The following ZNF713 variants were observed in gnomAD, a reference collection of about 807,000 sequenced individuals.
ZNF713 encodes the protein zinc finger protein 713.
Under a neutral mutation model 28.7 loss-of-function variants are expected in ZNF713, and 21 were observed. That is an observed-to-expected ratio of 0.73 (90% confidence interval 0.52 to 1.05). The LOEUF (loss-of-function observed/expected upper bound fraction) is 1.05. ZNF713 is among the 50% of genes least tolerant of loss of function. The pLI, the probability that ZNF713 is intolerant of heterozygous loss-of-function variation, is 0.00. For synonymous variants in ZNF713, 167 were observed against 178.0 expected (o/e 0.94, Z 0.49); for missense variants, 458 against 532.4 (o/e 0.86, Z 1.37).
At chr7:55,899,302 G>A (rs1417996897) in intron 1 of ZNF713, among the ~76,000 whole-genome samples, 2 of 143,720 alleles carry the variant, frequency 1.4e-5, no homozygotes, top group Non-Finnish European at 3.0e-5. Context: ...GCAGTGAGCC[G>A]AGATCGTGCC....
At position 55,895,492 on chromosome 7, in the gene ZNF713, G is replaced by C. The variant is rs188005861; in HGVS notation, c.-583+7812G>C. Among the ~76,000 whole-genome samples the C allele has an allele frequency of 2.0e-3, 162 of 81,112 alleles. 1 individual carries two copies. The highest frequency in any genetic ancestry group is 5.6e-3 in the East Asian group (15 of 2,692). 53.2% of individuals were successfully genotyped at this position (81,112 alleles called of 152,430 possible). A position where few individuals can be genotyped will look rare whatever the true frequency, so the allele number is the denominator to read the frequency against. ...TTTTTTTTTTTTTTTTTTTGAGACA[G>C]AGTTTCACTCTTATTGCCCAGGCTG... On this transcript the variant is annotated intron_variant, in intron 1 of 6. Coordinates refer to ENST00000429591, the MANE Select transcript of ZNF713 (RefSeq NM_182633.3).
chr7:55,887,880 C>CG (rs1554334686), intron 1 of ZNF713, among the ~76,000 whole-genome samples, 200 bp downstream of exon 1: 410 of 13,998 alleles, frequency 0.029, 129 homozygotes, highest in African/African-American at 0.18. Flanking sequence ...GCGGCGGCGG[C>CG]GGCGGCGGGC....
chr7:55,939,697 C>T lies in ZNF713; in HGVS notation c.1023C>T (p.Pro341=), dbSNP rs1265022365. The T allele has an allele frequency of 4.3e-6, 7 of 1,614,130 alleles. No individual in the cohort carries two copies. The highest frequency in any genetic ancestry group is 5.9e-6 in the Non-Finnish European group (7 of 1,180,026). The change falls in exon 7 of 7, where the codon CCC becomes CCT. Residue 341 remains proline (P), a synonymous_variant. Coordinates refer to ENST00000429591, the MANE Select transcript of ZNF713 (RefSeq NM_182633.3). ...QHLRIHTGEK[P]YKCNQCGKAF... is the part of the protein sequence containing the mutation. ...TGAGGATTCATACTGGAGAAAAGCC[C>T]TATAAATGTAATCAATGTGGTAAAG...
intron 2 of ZNF713, among the ~76,000 whole-genome samples, chr7:55,906,951 A>G (rs926508666): frequency 6.6e-6 from 1 of 152,206 alleles, no homozygotes; most frequent in African/African-American, 2.4e-5. Flanking sequence ...GAAATCTGAT[A>G]AGAAATTTGG....
intron 1 of ZNF713, among the ~76,000 whole-genome samples, chr7:55,902,617 T>TC: frequency 6.6e-6 from 1 of 152,168 alleles, no homozygotes; most frequent in Non-Finnish European, 1.5e-5. Context: ...CCTATATCTC[T>TC]CCATTTTTGC....
intron 4 of ZNF713, among the ~76,000 whole-genome samples, chr7:55,917,738 G>A (rs1785912481): frequency 6.6e-6 from 1 of 151,662 alleles, no homozygotes; most frequent in African/African-American, 2.4e-5. Flanking sequence ...TTTAAAGACA[G>A]TTCACAGCAA....
chr7:55,905,930 C>CGGGG (rs1785670714), intron 1 of ZNF713, among the ~76,000 whole-genome samples: 1 of 151,780 alleles, frequency 6.6e-6, no homozygotes, highest in Non-Finnish European at 1.5e-5. Context: ...GATGAAACCC[C>CGGGG]GTCTCTACTA....
At chr7:55,891,282 G>T (rs1785375949) in intron 1 of ZNF713, among the ~76,000 whole-genome samples, 2 of 152,072 alleles carry the variant, frequency 1.3e-5, no homozygotes, top group Admixed American at 1.3e-4. Flanking sequence ...TAGAAGAATT[G>T]TGTCTCCATT....
chr7:55,919,883 A>G (rs1288118841), intron 4 of ZNF713, among the ~76,000 whole-genome samples: 2 of 151,560 alleles, frequency 1.3e-5, no homozygotes, highest in Non-Finnish European at 2.9e-5. Context: ...TTTTTATTAT[A>G]CTTCAAGTTC....
Position 55,939,785 on chromosome 7 carries a change from G to C in ZNF713, c.1111G>C (p.Glu371Gln). The change falls in exon 7 of 7, where the codon GAA becomes CAA. Residue 371 changes from glutamate (E) to glutamine (Q), a missense_variant. Physicochemically the swap from Glu to Gln is conservative, Grantham distance 29 (BLOSUM62 2). Transcript: ENST00000429591. The stretch of plus-strand genomic sequence containing the variant: ...ACTTCATACCGGAGAGAAACCTTAC[G>C]AATGTGGTTTCTGTGGCAAAGCCTT... ...HRLHTGEKPY[E>Q]CGFCGKAFSQ... 1 of 1,614,120 alleles carries C rather than the reference G, an allele frequency of 6.2e-7. No homozygotes were observed. The highest frequency in any genetic ancestry group is 8.5e-7 in the Non-Finnish European group (1 of 1,180,014).
intron 1 of ZNF713, among the ~76,000 whole-genome samples, chr7:55,902,059 C>T (rs1785588488): frequency 1.3e-5 from 2 of 152,102 alleles, no homozygotes; most frequent in South Asian, 2.1e-4. Context: ...GGCTTGGTGA[C>T]GTGTGCCTAT....
In ZNF713 at chr7:55,934,779, A is replaced by G. The variant is rs185476256; in HGVS notation, c.308-4203A>G. ...CTTGGCCTCCCAAAATGCTAAGATT[A>G]CAAGTGTGAGCCACTGTGCCCAGCC... On this transcript the variant is annotated intron_variant, in intron 6 of 6. Transcript: ENST00000429591. Among the ~76,000 whole-genome samples, 187 of 152,274 alleles carry G rather than the reference A, an allele frequency of 1.2e-3. 1 individual carries two copies. Among genetic ancestry groups the G allele is most frequent in the Non-Finnish European group, 4.9e-4 (33 of 68,026 alleles).
At chr7:55,887,872 GGCGGCGGCGGCGGCGGGCGGC>G (rs1785301776) in intron 1 of ZNF713, among the ~76,000 whole-genome samples, 192 bp downstream of exon 1, 1 of 4,852 alleles carries the variant, frequency 2.1e-4, no homozygotes, top group Non-Finnish European at 4.8e-4. Flanking sequence ...GGGCGGCGGC[GGCGGCGGCGGCGGCGGGCGGC>G]GGCGGCGGCG....
rs190930997 is a variant in ZNF713 at position 55,915,299 on chromosome 7, A to C, written c.87+2576A>C. 3.3e-5 allele frequency among the ~76,000 whole-genome samples: 5 copies of C among 152,328 alleles called. No homozygotes were observed. The East Asian group carries it at 9.6e-4, about 29-fold the overall frequency. On this transcript the variant is annotated intron_variant, in intron 4 of 6. Transcript: ENST00000429591. ...AGGAAGATGATTCATTCACTCAATAAATATTTTTTGAGTAGCTAGTATGTG... is the reference window on the plus strand; with the variant it reads ...AGGAAGATGATTCATTCACTCAATACATATTTTTTGAGTAGCTAGTATGTG...
intron 1 of ZNF713, among the ~76,000 whole-genome samples, chr7:55,890,427 G>A (rs911361754): frequency 3.4e-5 from 5 of 147,896 alleles, no homozygotes; most frequent in Non-Finnish European, 7.4e-5. Context: ...TCCAGTCTGG[G>A]CAAGAGAGCG....
chr7:55,918,148 C>T (rs1419499563), intron 4 of ZNF713: 2 of 456,544 alleles, frequency 4.4e-6, no homozygotes, highest in South Asian at 3.1e-5. Context: ...AAGACTTCTA[C>T]CTCATTCTGT....
At chr7:55,891,105 C>G (rs1785373580) in intron 1 of ZNF713, among the ~76,000 whole-genome samples, 3 of 151,816 alleles carry the variant, frequency 2.0e-5, no homozygotes, top group Non-Finnish European at 4.4e-5. Context: ...TGAATGAACA[C>G]TAAATGAAAA....
chr7:55,916,881 A>G (rs1785889939), intron 4 of ZNF713, among the ~76,000 whole-genome samples: 2 of 152,138 alleles, frequency 1.3e-5, no homozygotes, highest in South Asian at 4.1e-4. Context: ...CCAAAGAAAA[A>G]CTTTCTAATC....
intron 1 of ZNF713, among the ~76,000 whole-genome samples, chr7:55,890,690 A>T (rs1486483227): frequency 6.6e-6 from 1 of 152,158 alleles, no homozygotes; most frequent in South Asian, 2.1e-4. Flanking sequence ...ATATAAGAAG[A>T]ATTATCCTGG....
Sources: allele counts gnomAD v4.1 joint callset (sites outside exome capture counted in the v4.1 genomes callset), GRCh38; gene constraint gnomAD v4.1.1; transcripts MANE v1.5; gene names NCBI Gene and HGNC (gene_info 2026-07-23, HGNC 2026-07-21).